INPP4B: variants seen among roughly 807,000 people sequenced by gnomAD.
INPP4B encodes inositol polyphosphate 4-phosphatase type II.
INPP4B carries 55 observed loss-of-function variants against 122.5 expected under a neutral mutation model. That is an observed-to-expected ratio of 0.45 (90% CI 0.36 to 0.56). The LOEUF is 0.56. INPP4B is among the 20% of genes least tolerant of loss of function. The pLI is 0.00. For missense variants in INPP4B, 1,000 were observed against 1,097.7 expected (o/e 0.91, Z 1.26); for synonymous variants, 403 against 388.7 (o/e 1.04, Z -0.43).
intron 1 of INPP4B, among the ~76,000 whole-genome samples, chr4:142,806,350 G>A (rs1778718997): frequency 6.7e-6 from 1 of 150,334 alleles, no homozygotes; most frequent in Non-Finnish European, 1.5e-5. Flanking sequence ...ATATTTTCAG[G>A]CACTTGATAA....
At chr4:142,248,845 T>C (rs1199492293) in intron 11 of INPP4B, among the ~76,000 whole-genome samples, 2 of 152,174 alleles carry the variant, frequency 1.3e-5, no homozygotes, top group African/African-American at 4.8e-5. Context: ...TTCTAACTGA[T>C]TGGAGATTTC....
chr4:142,449,616 C>T (rs932277865), intron 3 of INPP4B, among the ~76,000 whole-genome samples: 1 of 151,824 alleles, frequency 6.6e-6, no homozygotes, highest in African/African-American at 2.4e-5. Context: ...ACAGGAGAAT[C>T]GCTTGAACCT....
intron 2 of INPP4B, among the ~76,000 whole-genome samples, chr4:142,534,877 G>C (rs1291762538): frequency 1.3e-5 from 2 of 151,872 alleles, no homozygotes; most frequent in Non-Finnish European, 2.9e-5. Context: ...AATTATCTAA[G>C]AGTAAGTAAA....
At chr4:142,559,734 C>T (rs1386086031) in intron 2 of INPP4B, among the ~76,000 whole-genome samples, 1 of 152,028 alleles carries the variant, frequency 6.6e-6, no homozygotes, top group Admixed American at 6.6e-5. Context: ...TTTAACTAGA[C>T]ATGTCATTAA....
At chr4:142,124,920 G>T (rs1012875769) in intron 18 of INPP4B, among the ~76,000 whole-genome samples, 160 bp from the exon 19 acceptor site, 2 of 151,976 alleles carry the variant, frequency 1.3e-5, no homozygotes, top group Admixed American at 1.3e-4. Context: ...TAAATCTCTC[G>T]CCTGAACTCC....
chr4:142,143,775 C>G (rs1809125457), intron 18 of INPP4B, among the ~76,000 whole-genome samples: 1 of 152,000 alleles, frequency 6.6e-6, no homozygotes, highest in East Asian at 1.9e-4. Flanking sequence ...AATTACAGCA[C>G]TATGATAGTA....
chr4:142,438,416 A>G (rs1188195590), intron 3 of INPP4B, among the ~76,000 whole-genome samples: 2 of 152,160 alleles, frequency 1.3e-5, no homozygotes, highest in Admixed American at 1.3e-4. Context: ...CAAACATCTG[A>G]TCTTTGACTA....
intron 14 of INPP4B, among the ~76,000 whole-genome samples, chr4:142,197,755 G>A (rs987739589): frequency 6.6e-6 from 1 of 151,968 alleles, no homozygotes; most frequent in Admixed American, 6.6e-5. Context: ...TCTATTTTCA[G>A]GATCTCATTT....
chr4:142,428,638 T>C (rs183737329), intron 5 of INPP4B, among the ~76,000 whole-genome samples: 18 of 152,140 alleles, frequency 1.2e-4, no homozygotes. Context: ...GTTACAAATT[T>C]TTACATGTGA....
chr4:142,363,353 G>A (rs72724524), intron 7 of INPP4B, among the ~76,000 whole-genome samples: 16,158 of 147,998 alleles, frequency 0.11, 923 homozygotes, highest in East Asian at 0.18. Flanking sequence ...ATATATATAT[G>A]TGTGTGTGTA....
intron 25 of INPP4B, among the ~76,000 whole-genome samples, chr4:142,037,971 A>G (rs1464279088): frequency 6.6e-6 from 1 of 152,208 alleles, no homozygotes; most frequent in Non-Finnish European, 1.5e-5. Context: ...CATAGTAACA[A>G]ATAGTAAAGA....
intron 7 of INPP4B, among the ~76,000 whole-genome samples, chr4:142,389,040 AG>A (rs1201603273): frequency 2.0e-5 from 3 of 152,158 alleles, no homozygotes; most frequent in Non-Finnish European, 2.9e-5. Flanking sequence ...ACACAAGGTC[AG>A]GATTTCGAGA....
chr4:142,076,683 T>TTGTAACAC (rs1770897479), intron 25 of INPP4B, among the ~76,000 whole-genome samples: 1 of 152,044 alleles, frequency 6.6e-6, no homozygotes, highest in East Asian at 1.9e-4. Flanking sequence ...ATGGCACATG[T>TTGTAACAC]ATACATATGT....
At chr4:142,240,463 G>A (rs778995748) in intron 11 of INPP4B, among the ~76,000 whole-genome samples, 39 of 152,138 alleles carry the variant, frequency 2.6e-4, no homozygotes, top group Non-Finnish European at 4.4e-4. Flanking sequence ...TAACTACCAG[G>A]TACACATCAT....
At chr4:142,297,298 A>G (rs567780344) in intron 9 of INPP4B, among the ~76,000 whole-genome samples, 2 of 152,316 alleles carry the variant, frequency 1.3e-5, no homozygotes, top group East Asian at 3.9e-4. Context: ...TTCCTTGGAT[A>G]ATAGAAATGT....
At position 142,604,213 on chromosome 4, in the gene INPP4B, T is replaced by C. The variant is rs80043114; in HGVS notation, c.-191+121626A>G. On this transcript the variant is annotated intron_variant, in intron 2 of 25. Transcript: ENST00000262992. The stretch of plus-strand genomic sequence containing the variant: ...TAAAAACTTCTCAACAAACTAGGTA[T>C]AGATGAACCATAGTTTCAAATAATA... Among the ~76,000 whole-genome samples the C allele has an allele frequency of 7.5e-3, 1,144 of 152,216 alleles. 11 individuals carry two copies. Among genetic ancestry groups the C allele is most frequent in the African/African-American group, 0.026 (1,086 of 41,534 alleles).
intron 1 of INPP4B, among the ~76,000 whole-genome samples, chr4:142,819,836 C>T (rs557590182): frequency 6.6e-6 from 1 of 152,104 alleles, no homozygotes; most frequent in East Asian, 1.9e-4. Flanking sequence ...TGACAGACAC[C>T]CTTGGCTGGC....
At chr4:142,466,447 A>G (rs1006491708) in intron 2 of INPP4B, among the ~76,000 whole-genome samples, 3 of 152,238 alleles carry the variant, frequency 2.0e-5, no homozygotes, top group Admixed American at 6.5e-5. Context: ...AAAGCATTCA[A>G]TATGTGATCT....
rs367671905 is a variant in INPP4B at position 142,155,017 on chromosome 4, T to C, written c.1563+5341A>G. 1.9e-4 allele frequency among the ~76,000 whole-genome samples: 29 copies of C among 151,578 alleles called. No homozygotes were observed. The East Asian group carries it at 5.2e-3, about 27-fold the overall frequency. On this transcript the variant is annotated intron_variant, in intron 17 of 25. Transcript: ENST00000262992. ...ACAAAATGATTTGAAGTTGGATATA[T>C]ATATATACATATATTAATATATATA...
Sources: allele counts gnomAD v4.1 joint callset (sites outside exome capture counted in the v4.1 genomes callset), GRCh38; gene constraint gnomAD v4.1.1; transcripts MANE v1.5; gene names NCBI Gene and HGNC (gene_info 2026-07-23, HGNC 2026-07-21).